The following PEAK1 variants were observed in gnomAD, a reference collection of about 807,000 sequenced individuals.
PEAK1 encodes the protein pseudopodium enriched atypical kinase 1, also known as inactive tyrosine-protein kinase PEAK1.
A neutral mutation model predicts 124.7 loss-of-function variants in PEAK1; 54 were observed. That is an observed-to-expected ratio of 0.43 (90% CI 0.35 to 0.54). The LOEUF (loss-of-function observed/expected upper bound fraction) is 0.54. PEAK1 is among the 20% of genes least tolerant of loss of function. PEAK1 has a pLI of 0.01. For synonymous variants in PEAK1, 719 were observed against 760.0 expected, an observed-to-expected ratio of 0.95 and a Z score of 0.89; for missense variants, 2,046 against 2,134.5, an observed-to-expected ratio of 0.96 and a Z score of 0.82.
chr15:77,347,700 AC>A (rs2066950676), intron 2 of PEAK1: 1 of 972,260 alleles, frequency 1.0e-6, no homozygotes, highest in Non-Finnish European at 1.2e-6. Context: ...TTTAGAAATT[AC>A]AGAAAATATT....
At chr15:77,397,032 C>G (rs115275487) in intron 1 of PEAK1, among the ~76,000 whole-genome samples, 1 of 152,160 alleles carries the variant, frequency 6.6e-6, no homozygotes, top group Non-Finnish European at 1.5e-5. Context: ...GCACATGGAT[C>G]ATTCTCAAGG....
At chr15:77,338,588 C>T (rs1290407855) in intron 2 of PEAK1, among the ~76,000 whole-genome samples, 1 of 150,376 alleles carries the variant, frequency 6.6e-6, no homozygotes, top group East Asian at 2.0e-4. Context: ...AATCTAATCT[C>T]AATTGTATAT....
rs551860074 is a variant in PEAK1, at chr15:77,174,421, C to G, written c.3137+4369G>C. 3.5e-4 allele frequency among the ~76,000 whole-genome samples: 54 copies of G among 152,246 alleles called. No individual in the cohort carries two copies. In the South Asian group the frequency reaches 6.4e-3, roughly 18 times the overall value. The stretch of plus-strand genomic sequence containing the variant: ...TTTAATGATCACACTGCCATCAAGC[C>G]TGAAACACAAATGTTGACATTTGAT... On this transcript the variant is annotated intron_variant, in intron 7 of 9. Transcript: ENST00000682557.
At chr15:77,385,805 T>C (rs1354505818) in intron 1 of PEAK1, among the ~76,000 whole-genome samples, 1 of 152,202 alleles carries the variant, frequency 6.6e-6, no homozygotes, top group African/African-American at 2.4e-5. Flanking sequence ...GAGCCTTTGG[T>C]CTTCTAACAC....
intron 7 of PEAK1, among the ~76,000 whole-genome samples, chr15:77,159,367 T>C (rs935588230): frequency 1.3e-5 from 2 of 152,232 alleles, no homozygotes; most frequent in Admixed American, 1.3e-4. Context: ...TGAAGCATCC[T>C]CCTGGCTGCA....
At chr15:77,294,676 G>A (rs796748035) in intron 2 of PEAK1, among the ~76,000 whole-genome samples, 38 of 152,282 alleles carry the variant, frequency 2.5e-4, no homozygotes, top group African/African-American at 8.7e-4. Flanking sequence ...GCAGTCTTAT[G>A]TAGTATGCAT....
intron 2 of PEAK1, among the ~76,000 whole-genome samples, chr15:77,325,983 T>A (rs1416601256): frequency 6.6e-6 from 1 of 151,960 alleles, no homozygotes; most frequent in Non-Finnish European, 1.5e-5. Flanking sequence ...AAAAAAAACA[T>A]AACCATAGAC....
intron 2 of PEAK1, chr15:77,334,570 C>T (rs1410946417): frequency 7.1e-6 from 7 of 985,272 alleles, no homozygotes; most frequent in South Asian, 4.7e-5. Context: ...TCCATCAACT[C>T]GGTTCCTTTC....
At chr15:77,123,880 C>A (rs1207441660) in intron 9 of PEAK1, among the ~76,000 whole-genome samples, 2 of 151,424 alleles carry the variant, frequency 1.3e-5, no homozygotes, top group Non-Finnish European at 2.9e-5. Flanking sequence ...GGTGGTGGCT[C>A]ATCAAATGGG....
chr15:77,257,812 T>A (rs2061237249), intron 5 of PEAK1, among the ~76,000 whole-genome samples: 1 of 139,322 alleles, frequency 7.2e-6, no homozygotes, highest in South Asian at 2.3e-4. Context: ...TGTGCCTATG[T>A]CCTGAATGGT....
chr15:77,240,368 C>T (rs1036586713), intron 6 of PEAK1, among the ~76,000 whole-genome samples: 17 of 152,024 alleles, frequency 1.1e-4, no homozygotes, highest in African/African-American at 3.4e-4. Context: ...ACCTGTAATC[C>T]AAGCCCTGTG....
At position 77,264,056 on chromosome 15, in the gene PEAK1, C is replaced by G. The variant is rs772495376; in HGVS notation, c.-274-11530G>C. 3.6e-3 allele frequency among the ~76,000 whole-genome samples: 549 copies of G among 152,074 alleles called. 5 individuals are homozygous for G. Among genetic ancestry groups the G allele is most frequent in the South Asian group, 6.2e-3 (30 of 4,812 alleles). ...AAGGCCTTTGACAAAATTCAACAAC[C>G]CTTCATGCTAAAAACTCTCAATAAA... is the stretch of plus-strand genomic sequence containing the variant. On this transcript the variant is annotated intron_variant, in intron 5 of 9. Coordinates refer to ENST00000682557, the MANE Select transcript of PEAK1 (RefSeq NM_001385026.1).
intron 6 of PEAK1, among the ~76,000 whole-genome samples, chr15:77,233,838 T>C (rs992093393): frequency 1.3e-5 from 2 of 152,210 alleles, no homozygotes; most frequent in Non-Finnish European, 2.9e-5. Flanking sequence ...ACCCATTATG[T>C]CTAAGCATTC....
chr15:77,283,344 T>C (rs144121167), intron 5 of PEAK1, among the ~76,000 whole-genome samples: 1 of 152,250 alleles, frequency 6.6e-6, no homozygotes, highest in African/African-American at 2.4e-5. Flanking sequence ...CACTTTTTAA[T>C]ATAGAACAAC....
chr15:77,150,812 T>G (rs1329530364), intron 8 of PEAK1, among the ~76,000 whole-genome samples: 1 of 152,132 alleles, frequency 6.6e-6, no homozygotes, highest in Non-Finnish European at 1.5e-5. Flanking sequence ...GGTTTCCAAT[T>G]TCATCCGTGT....
At position 77,181,155 on chromosome 15, in the gene PEAK1, C is replaced by T; in HGVS notation, c.772G>A (p.Glu258Lys). Reference sequence around the variant, plus strand: ...ATGCGAATCTCCATGGCCAACAGCTCTTCATCACTCTCATCCCAACTCTCG... The same window carrying T: ...ATGCGAATCTCCATGGCCAACAGCTTTTCATCACTCTCATCCCAACTCTCG... ...EHESWDESDEELLAMEIRMRG... is the reference protein window; with the variant it reads ...EHESWDESDEKLLAMEIRMRG... Residue 258 changes from glutamate (E) to lysine (K), a missense_variant, in exon 7 of 10, where the codon GAG (glutamate) becomes AAG (lysine). Transcript: ENST00000682557. 6.2e-7 allele frequency: 1 copy of T among 1,614,154 alleles called. No individual in the cohort carries two copies. The highest frequency in any genetic ancestry group is 8.5e-7 in the Non-Finnish European group (1 of 1,180,014).
chr15:77,389,963 A>G (rs2070311353), intron 1 of PEAK1, among the ~76,000 whole-genome samples: 1 of 152,252 alleles, frequency 6.6e-6, no homozygotes, highest in Non-Finnish European at 1.5e-5. Context: ...TAATGAATAC[A>G]TTAACTTTAC....
At chr15:77,185,522 G>A (rs371706344) in intron 6 of PEAK1, among the ~76,000 whole-genome samples, 1 of 152,144 alleles carries the variant, frequency 6.6e-6, no homozygotes, top group South Asian at 2.1e-4. Flanking sequence ...GAGAGGTAAC[G>A]GAAAATGAGG....
At chr15:77,270,660 C>CT (rs1163372203) in intron 5 of PEAK1, among the ~76,000 whole-genome samples, 1 of 152,104 alleles carries the variant, frequency 6.6e-6, no homozygotes, top group East Asian at 1.9e-4. Context: ...AATGAGGGCT[C>CT]TTTTTTGGTT....
Sources: allele counts gnomAD v4.1 joint callset (sites outside exome capture counted in the v4.1 genomes callset), GRCh38; gene constraint gnomAD v4.1.1; transcripts MANE v1.5; gene names NCBI Gene and HGNC (gene_info 2026-07-23, HGNC 2026-07-21).